Variants in SCEL observed in about 807,000 individuals in gnomAD.
SCEL encodes sciellin.
Under a neutral mutation model 117.6 loss-of-function variants are expected in SCEL, and 113 were observed. The observed-to-expected ratio is 0.96, with a 90% CI of 0.83 to 1.12. SCEL has a LOEUF of 1.12. SCEL is among the 50% of genes most tolerant of loss of function. The probability of loss-of-function intolerance (pLI) is 0.00; values close to 1 mark genes in which losing one functional copy is unlikely to be tolerated. For synonymous variants in SCEL, 270 were observed against 256.2 expected (o/e 1.05, Z -0.51); for missense variants, 785 against 810.8 (o/e 0.97, Z 0.39).
intron 1 of SCEL, among the ~76,000 whole-genome samples, chr13:77,553,156 C>T (rs1020825089): frequency 2.0e-5 from 3 of 152,294 alleles, no homozygotes; most frequent in South Asian, 2.1e-4. Flanking sequence ...AGGAACGTGA[C>T]TTGGCCAATA....
intron 4 of SCEL, among the ~76,000 whole-genome samples, chr13:77,561,941 G>A (rs974437987): frequency 3.9e-5 from 6 of 152,166 alleles, no homozygotes; most frequent in Non-Finnish European, 8.8e-5. Flanking sequence ...CATGAGTGGG[G>A]TCTGAAAATA....
chr13:77,624,135 C>T (rs1005914149), intron 27 of SCEL, among the ~76,000 whole-genome samples: 1 of 141,174 alleles, frequency 7.1e-6, no homozygotes, highest in Non-Finnish European at 1.5e-5. Flanking sequence ...GATGGAGTCT[C>T]ACCCTCTTGC....
At chr13:77,561,320 T>A (rs1409988577) in intron 4 of SCEL, among the ~76,000 whole-genome samples, 4 of 152,260 alleles carry the variant, frequency 2.6e-5, no homozygotes, top group Non-Finnish European at 4.4e-5. Flanking sequence ...CTTTCATGCT[T>A]ATTTCATATT....
At chr13:77,550,793 T>C (rs1197499486) in intron 1 of SCEL, among the ~76,000 whole-genome samples, 1 of 152,216 alleles carries the variant, frequency 6.6e-6, no homozygotes, top group Non-Finnish European at 1.5e-5. Context: ...GTTTCTACTT[T>C]TTGGCTGTTA....
At chr13:77,559,200 G>C (rs897812260) in intron 3 of SCEL, among the ~76,000 whole-genome samples, 2 of 152,140 alleles carry the variant, frequency 1.3e-5, no homozygotes, top group Non-Finnish European at 2.9e-5. Flanking sequence ...CTGTGAACTG[G>C]ATATGACAGT....
intron 30 of SCEL, among the ~76,000 whole-genome samples, chr13:77,637,866 G>C (rs2154406998): frequency 6.6e-6 from 1 of 152,332 alleles, no homozygotes; most frequent in South Asian, 2.1e-4. Flanking sequence ...AGCTGGCCCT[G>C]TTCCAGGTTT....
intron 27 of SCEL, among the ~76,000 whole-genome samples, chr13:77,621,732 A>G (rs1372062245): frequency 1.3e-5 from 2 of 152,224 alleles, no homozygotes; most frequent in Non-Finnish European, 2.9e-5. Context: ...TAGTCCACTT[A>G]GAGAAAGTCT....
chr13:77,602,839 C>A, intron 17 of SCEL, 126 bp downstream of exon 17: 1 of 771,050 alleles, frequency 1.3e-6, no homozygotes, highest in Non-Finnish European at 2.1e-6. Flanking sequence ...CCCTGATCTT[C>A]ACTTCAAAGA....
intron 9 of SCEL, among the ~76,000 whole-genome samples, chr13:77,585,060 AT>A (rs1011779341): frequency 4.6e-5 from 7 of 152,370 alleles, no homozygotes; most frequent in African/African-American, 1.7e-4. Flanking sequence ...ACTTGCACAG[AT>A]TTTGAAAGTT....
chr13:77,571,689 C>CAAAAAT (rs1247725906), intron 8 of SCEL, among the ~76,000 whole-genome samples: 34 of 136,608 alleles, frequency 2.5e-4, no homozygotes, highest in African/African-American at 8.9e-4. Context: ...AACTCCGTCT[C>CAAAAAT]AAAAATAAAA....
At chr13:77,553,977 G>A (rs1197302849) in intron 1 of SCEL, among the ~76,000 whole-genome samples, 1 of 151,984 alleles carries the variant, frequency 6.6e-6, no homozygotes, top group Non-Finnish European at 1.5e-5. Context: ...AAACAGCTGC[G>A]GGTCCCTGTG....
In SCEL at chr13:77,569,350, G is replaced by A. The variant is rs747202238; in HGVS notation, c.399-21G>A. 5 of 1,599,798 alleles carry A rather than the reference G, an allele frequency of 3.1e-6. No individual in the cohort carries two copies. In the South Asian group the frequency reaches 3.3e-5, roughly 11 times the overall value. ...AAAAAGTTTGAGAGTGGGATTAATT[G>A]TTGTTCTTGTCATTAAACAGGCAAC... On this transcript the variant is annotated intron_variant, in intron 7 of 32. Coordinates refer to ENST00000349847, the MANE Select transcript of SCEL (RefSeq NM_144777.3).
intron 1 of SCEL, among the ~76,000 whole-genome samples, chr13:77,540,415 G>A (rs146969779): frequency 1.7e-4 from 26 of 152,264 alleles, no homozygotes; most frequent in African/African-American, 6.3e-4. Flanking sequence ...ACAGTCTTAG[G>A]TGATGTTATG....
intron 9 of SCEL, among the ~76,000 whole-genome samples, chr13:77,587,788 C>T (rs557610270): frequency 6.6e-5 from 10 of 152,270 alleles, no homozygotes; most frequent in South Asian, 2.1e-4. Context: ...TATTCTTGAC[C>T]TCTAAATATT....
At chr13:77,601,989 C>T (rs569418514) in intron 15 of SCEL, 76 bp from the exon 16 acceptor site, 26 of 1,132,950 alleles carry the variant, frequency 2.3e-5, no homozygotes, top group South Asian at 1.7e-4. Flanking sequence ...GTTGTCATTA[C>T]GAGAGTCTGA....
chr13:77,607,942 CT>C (rs1457268105), intron 19 of SCEL, 113 bp from the exon 20 acceptor site: 1 of 696,524 alleles, frequency 1.4e-6, no homozygotes, highest in African/African-American at 1.8e-5. Context: ...TTGGCATGAT[CT>C]CAATGAGTGT....
At chr13:77,539,312 A>G (rs937931371) in intron 1 of SCEL, among the ~76,000 whole-genome samples, 3 of 151,248 alleles carry the variant, frequency 2.0e-5, no homozygotes, top group Non-Finnish European at 4.4e-5. Flanking sequence ...ATAATGGGAC[A>G]TATATGTATA....
chr13:77,537,139 T>A (rs502613), intron 1 of SCEL, among the ~76,000 whole-genome samples: 44,550 of 152,122 alleles, frequency 0.29, 6,607 homozygotes, highest in African/African-American at 0.32. Context: ...TGATCCTAAA[T>A]GTCGGGATAT....
At chr13:77,593,384 G>A (rs916950615) in intron 11 of SCEL, 130 bp from the exon 12 acceptor site, 16 of 616,230 alleles carry the variant, frequency 2.6e-5, no homozygotes, top group African/African-American at 2.4e-4. Context: ...TTGTCATTCT[G>A]TTAAACTCAG....
Sources: gnomAD v4.1 joint callset for allele counts (sites outside exome capture counted in the v4.1 genomes callset) on GRCh38, gnomAD v4.1.1 for gene constraint, MANE v1.5 for transcripts, NCBI Gene and HGNC (gene_info 2026-07-23, HGNC 2026-07-21) for gene names.